The following CHRM5 variants were observed in gnomAD, a reference collection of about 807,000 sequenced individuals.
CHRM5 encodes the protein muscarinic acetylcholine receptor M5.
Under a neutral mutation model 39.0 loss-of-function variants are expected in CHRM5, and 18 were observed. The ratio of observed to expected loss-of-function variants is 0.46; its 90% confidence interval spans 0.32 to 0.68. The LOEUF (loss-of-function observed/expected upper bound fraction) is 0.68. Among genes scored for constraint, CHRM5 ranks in the 30% least tolerant of loss-of-function variants. CHRM5 has a pLI of 0.04. For synonymous variants in CHRM5, 241 were observed against 246.3 expected (o/e 0.98, Z 0.20); for missense variants, 515 against 651.1 (o/e 0.79, Z 2.28).
intron 1 of CHRM5, among the ~76,000 whole-genome samples, chr15:33,984,730 C>T (rs1201557380): frequency 6.6e-6 from 1 of 152,106 alleles, no homozygotes; most frequent in Non-Finnish European, 1.5e-5. Context: ...ATATGAGTTG[C>T]TTTTCATTGA....
At position 34,063,351 on chromosome 15, in the gene CHRM5, C is replaced by A. The variant is rs1597395945; in HGVS notation, c.634C>A (p.Leu212Ile). ...FYIPVSVMTI[L>I]YCRIYRETEK... ...CATCCCTGTTTCTGTCATGACCATC[C>A]TCTACTGTCGAATCTACCGGGAAAC... Residue 212 changes from leucine (L) to isoleucine (I), a missense_variant, in exon 3 of 3, where the codon CTC becomes ATC. Physicochemically the swap from Leu to Ile is conservative, Grantham distance 5. Coordinates refer to ENST00000383263, the MANE Select transcript of CHRM5 (RefSeq NM_012125.4). The surrounding 1 kb of genome is among the most constrained non-coding windows in gnomAD (Gnocchi z 4.1). The A allele has an allele frequency of 5.0e-6, 8 of 1,614,130 alleles. No individual in the cohort carries two copies. The East Asian group carries it at 1.8e-4, about 36-fold the overall frequency.
At chr15:33,987,810 C>T (rs946116963) in intron 1 of CHRM5, among the ~76,000 whole-genome samples, 1 of 152,190 alleles carries the variant, frequency 6.6e-6, no homozygotes, top group African/African-American at 2.4e-5. Flanking sequence ...GCGCTGCATG[C>T]AGAAGCTGCC....
chr15:33,991,356 A>T (rs1274595876), intron 1 of CHRM5: 1 of 152,188 alleles, frequency 6.6e-6, no homozygotes, highest in Non-Finnish European at 1.5e-5. Flanking sequence ...GAGCAAGAAG[A>T]AAAATGGAAG....
In CHRM5 at chr15:34,042,404, T is replaced by TG. The variant is rs1424278038; in HGVS notation, c.-407-4136_-407-4135insG. The stretch of plus-strand genomic sequence containing the variant: ...ATACATACATGACCTAAGTTTTTTT[T>TG]TTTTTTTTTTTTTGAGACGGAGTTT... On this transcript the variant is annotated intron_variant, in intron 1 of 2. Coordinates refer to ENST00000383263, the MANE Select transcript of CHRM5 (RefSeq NM_012125.4). 2.6e-3 allele frequency among the ~76,000 whole-genome samples: 391 copies of TG among 150,146 alleles called. 2 individuals are homozygous for TG. The highest frequency in any genetic ancestry group is 9.3e-3 in the African/African-American group (377 of 40,738).
intron 1 of CHRM5, among the ~76,000 whole-genome samples, chr15:34,045,974 C>G (rs1385171995): frequency 6.6e-6 from 1 of 152,146 alleles, no homozygotes; most frequent in Non-Finnish European, 1.5e-5. Context: ...ACTGCTCTCT[C>G]TTAATGCTGG....
intron 1 of CHRM5, among the ~76,000 whole-genome samples, chr15:34,004,516 T>G (rs576129662): frequency 5.9e-5 from 9 of 152,314 alleles, no homozygotes; most frequent in Admixed American, 2.0e-4. Context: ...TGGGAAAAAG[T>G]AAATAATGAC....
chr15:34,060,284 A>G (rs1426400095), intron 2 of CHRM5, among the ~76,000 whole-genome samples: 2 of 152,208 alleles, frequency 1.3e-5, no homozygotes, highest in East Asian at 3.8e-4. Flanking sequence ...TTCGTGGGTC[A>G]GTTAGACTGC....
Position 33,984,603 on chromosome 15 carries a change from T to A in CHRM5, c.-408+15453T>A, listed in dbSNP as rs1896340991. Reference sequence around the variant, plus strand: ...TTTCAGTAGAGACAGGGTTTCTCCATGTTGGTCAAGCTGGTCTCAAACTCC... The same window carrying A: ...TTTCAGTAGAGACAGGGTTTCTCCAAGTTGGTCAAGCTGGTCTCAAACTCC... On this transcript the variant is annotated intron_variant, in intron 1 of 2. Transcript: ENST00000383263. Among the ~76,000 whole-genome samples the A allele has an allele frequency of 2.0e-5, 3 of 152,276 alleles. 1 individual carries two copies. In the South Asian group the frequency reaches 6.3e-4, roughly 32 times the overall value.
intron 1 of CHRM5, among the ~76,000 whole-genome samples, chr15:34,040,372 A>G (rs1265913198): frequency 6.6e-6 from 1 of 152,202 alleles, no homozygotes; most frequent in Non-Finnish European, 1.5e-5. Context: ...CTAAAGCCTA[A>G]TGGTTGAGTA....
chr15:34,037,243 T>C (rs1217451177), intron 1 of CHRM5, among the ~76,000 whole-genome samples: 1 of 152,092 alleles, frequency 6.6e-6, no homozygotes, highest in African/African-American at 2.4e-5. Context: ...CCAGACACCA[T>C]AGTTAACACC....
At position 34,066,732 on chromosome 15, in the gene CHRM5, A is replaced by C. The variant is rs1900520741; in HGVS notation, c.*2416A>C. On this transcript the variant is annotated 3_prime_UTR_variant, in exon 3 of 3. Coordinates refer to ENST00000383263, the MANE Select transcript of CHRM5 (RefSeq NM_012125.4). ...TCAGAGGTTGAAGCAGGAGGATCGC[A>C]TGAGCCCAGGAGTTAGAGGTTGCAG... 6.6e-6 allele frequency: 1 copy of C among 152,094 alleles called. No homozygotes were observed. The highest frequency in any genetic ancestry group is 2.1e-4 in the South Asian group (1 of 4,814). The allele number at this position is 152,094 out of a possible 1,614,324, so 9.4% of individuals were successfully genotyped here.
intron 1 of CHRM5, among the ~76,000 whole-genome samples, chr15:34,041,228 C>G (rs1259594000): frequency 6.6e-6 from 1 of 152,186 alleles, no homozygotes; most frequent in African/African-American, 2.4e-5. Flanking sequence ...CCAAAAACAT[C>G]TCCAGACATT....
intron 1 of CHRM5, chr15:34,038,654 A>AGGCGCCGGCGCC (rs1306899235): frequency 6.8e-5 from 58 of 854,622 alleles, no homozygotes; most frequent in Middle Eastern, 1.0e-3. Context: ...CGTCCCGCGC[A>AGGCGCCGGCGCC]GGCGCCGGCG....
intron 1 of CHRM5, among the ~76,000 whole-genome samples, chr15:34,024,839 C>T (rs1207649090): frequency 2.0e-5 from 3 of 147,022 alleles, no homozygotes; most frequent in Non-Finnish European, 3.0e-5. Context: ...CCAGCCTGGG[C>T]GACAAAGCAA....
At chr15:33,992,229 A>T (rs1282106531) in intron 1 of CHRM5, among the ~76,000 whole-genome samples, 1 of 152,184 alleles carries the variant, frequency 6.6e-6, no homozygotes, top group Non-Finnish European at 1.5e-5. Context: ...CTACTAAAAA[A>T]ATACAAAACA....
chr15:34,044,086 TA>T (rs1451007454), intron 1 of CHRM5, among the ~76,000 whole-genome samples: 2 of 147,536 alleles, frequency 1.4e-5, no homozygotes, highest in Non-Finnish European at 3.0e-5. Flanking sequence ...TTTCGCCCTT[TA>T]AAAAAAATGA....
At chr15:34,028,780 C>T (rs756691153) in intron 1 of CHRM5, among the ~76,000 whole-genome samples, 1 of 152,006 alleles carries the variant, frequency 6.6e-6, no homozygotes, top group Admixed American at 6.6e-5. Flanking sequence ...ACAACTAGCA[C>T]ATGGGGGGTG....
At chr15:34,017,486 T>TTTTG (rs1017820673) in intron 1 of CHRM5, among the ~76,000 whole-genome samples, 2 of 67,348 alleles carry the variant, frequency 3.0e-5, no homozygotes, top group Non-Finnish European at 9.3e-5. Context: ...TTTTTTTTGT[T>TTTTG]TTTTTTTTTT....
In CHRM5 at chr15:34,067,420, T is replaced by C. The variant is rs1900539654; in HGVS notation, c.*3104T>C. 1.3e-5 allele frequency: 2 copies of C among 152,208 alleles called. No individual in the cohort carries two copies. The highest frequency in any genetic ancestry group is 4.8e-5 in the African/African-American group (2 of 41,452). The allele number at this position is 152,208 out of a possible 1,614,324, so 9.4% of individuals were successfully genotyped here. A position where few individuals can be genotyped will look rare whatever the true frequency, so the allele number is the denominator to read the frequency against. ...GGGACTGGGCTGCTTTTCTGTATTG[T>C]ATAAGCACTATTCTAGATATTAAAG... On this transcript the variant is annotated 3_prime_UTR_variant, in exon 3 of 3. Transcript: ENST00000383263.
Sources: allele counts gnomAD v4.1 joint callset (sites outside exome capture counted in the v4.1 genomes callset), GRCh38; gene constraint gnomAD v4.1.1; non-coding constraint Gnocchi (gnomAD v3.1); transcripts MANE v1.5; gene names NCBI Gene and HGNC (gene_info 2026-07-23, HGNC 2026-07-21).